PLEKHH1: variants seen among roughly 807,000 people sequenced by gnomAD.
PLEKHH1 encodes the protein pleckstrin homology domain-containing family H member 1.
A neutral mutation model predicts 160.0 loss-of-function variants in PLEKHH1; 104 were observed. The ratio of observed to expected loss-of-function variants is 0.65; its 90% CI spans 0.55 to 0.76. The LOEUF (loss-of-function observed/expected upper bound fraction) is 0.76, where lower values mean the gene tolerates loss of function less well. PLEKHH1 is among the 30% of genes least tolerant of loss of function. PLEKHH1 has a pLI of 0.00. For missense variants in PLEKHH1, 1,427 were observed against 1,724.1 expected (o/e 0.83, Z 3.05); for synonymous variants, 619 against 678.4 (o/e 0.91, Z 1.36).
intron 20 of PLEKHH1, 61 bp from the exon 21 acceptor site, chr14:67,579,073 G>A (rs1356382615): frequency 6.9e-5 from 84 of 1,211,026 alleles, no homozygotes; most frequent in Non-Finnish European, 8.0e-5. Context: ...ATAGGGATCC[G>A]GGGTGCCAAA....
chr14:67,585,865 G>C lies in PLEKHH1; in HGVS notation c.3787-86G>C, dbSNP rs991059544. ...GACCACTTGGGAGTTCTCCTTTCCT[G>C]TGCCTAGAAGAGACAGGGGATGCTG... On this transcript the variant is annotated intron_variant, in intron 27 of 28. Coordinates refer to ENST00000329153, the MANE Select transcript of PLEKHH1 (RefSeq NM_020715.3). The C allele has an allele frequency of 4.8e-5, 67 of 1,398,262 alleles. No individual in the cohort carries two copies. In the South Asian group the frequency reaches 8.7e-4, roughly 18 times the overall value. 86.6% of individuals were successfully genotyped at this position (1,398,262 alleles called of 1,614,324 possible).
At chr14:67,538,040 G>T (rs1373369827) in intron 1 of PLEKHH1, among the ~76,000 whole-genome samples, 1 of 152,152 alleles carries the variant, frequency 6.6e-6, no homozygotes, top group Non-Finnish European at 1.5e-5. Flanking sequence ...ATTTTAGCGG[G>T]GTATTGGGGA....
At chr14:67,565,317 C>T (rs148176142) in intron 7 of PLEKHH1, among the ~76,000 whole-genome samples, 3 of 152,228 alleles carry the variant, frequency 2.0e-5, no homozygotes, top group Non-Finnish European at 2.9e-5. Flanking sequence ...AATCACAGTC[C>T]ACTGCAGCCT....
chr14:67,545,778 T>C (rs1181489209), intron 2 of PLEKHH1, among the ~76,000 whole-genome samples: 4 of 152,170 alleles, frequency 2.6e-5, no homozygotes, highest in African/African-American at 9.7e-5. Flanking sequence ...AAAATCAGCA[T>C]TGAATAAAAA....
intron 9 of PLEKHH1, chr14:67,571,312 T>C (rs1029059654): frequency 3.0e-5 from 5 of 164,196 alleles, no homozygotes; most frequent in African/African-American, 1.2e-4. Context: ...TAGAGTTTTT[T>C]CCCCCATCTT....
At chr14:67,541,476 G>T (rs113395717) in intron 1 of PLEKHH1, among the ~76,000 whole-genome samples, 5 of 152,280 alleles carry the variant, frequency 3.3e-5, no homozygotes, top group African/African-American at 1.2e-4. Context: ...GCAGAGCACA[G>T]GGTCAGGCAT....
At chr14:67,586,196 C>T (rs2036153140) in intron 28 of PLEKHH1, 99 bp downstream of exon 28, 2 of 1,368,830 alleles carry the variant, frequency 1.5e-6, no homozygotes, top group East Asian at 4.6e-5. Context: ...CTGCAAGGGC[C>T]CTGCCCAGAT....
At chr14:67,541,589 C>G (rs2033964175) in intron 1 of PLEKHH1, among the ~76,000 whole-genome samples, 1 of 152,136 alleles carries the variant, frequency 6.6e-6, no homozygotes, top group Admixed American at 6.5e-5. Flanking sequence ...CTAGGTTCTC[C>G]TTAAGGTTTC....
Position 67,562,284 on chromosome 14 carries a change from C to T in PLEKHH1, c.653C>T (p.Pro218Leu). The change falls in exon 7 of 29, where the codon CCT becomes CTT. Residue 218 changes from proline to leucine, a missense_variant. Pro to Leu is a moderately conservative substitution (Grantham distance 98). Around this residue, in one of 6 missense-constraint regions of PLEKHH1, gnomAD observed 831 missense variants for 929.2 expected, o/e 0.89. Coordinates refer to ENST00000329153, the MANE Select transcript of PLEKHH1 (RefSeq NM_020715.3). ...AQGLKAAVLA[P>L]SPGALQSKDS... ...GGTCTGAAGGCAGCTGTGCTTGCAC[C>T]TTCCCCAGGTGCCCTGCAGAGCAAG... The T allele has an allele frequency of 6.2e-7, 1 of 1,613,850 alleles. No individual in the cohort carries two copies. The highest frequency in any genetic ancestry group is 8.5e-7 in the Non-Finnish European group (1 of 1,179,832).
At position 67,561,087 on chromosome 14, in the gene PLEKHH1, G is replaced by T. The variant is rs138312383; in HGVS notation, c.424-867G>T. On this transcript the variant is annotated intron_variant, in intron 5 of 28. Transcript: ENST00000329153. ...ACAAGTGGTTCACACCTGCAGGAGG[G>T]TATCAGCTCATTTGGCCTCCTATCC... Among the ~76,000 whole-genome samples, 574 of 152,198 alleles carry T rather than the reference G, an allele frequency of 3.8e-3. 3 individuals carry two copies. Among genetic ancestry groups the T allele is most frequent in the South Asian group, 0.019 (92 of 4,818 alleles).
At chr14:67,557,442 C>T in intron 4 of PLEKHH1, 24 bp downstream of exon 4, 1 of 1,606,722 alleles carries the variant, frequency 6.2e-7, no homozygotes, top group Non-Finnish European at 8.5e-7. Context: ...CGCAAGGGAG[C>T]ACCATGCCCT....
chr14:67,538,127 T>C (rs1311976043), intron 1 of PLEKHH1, among the ~76,000 whole-genome samples: 3 of 152,124 alleles, frequency 2.0e-5, no homozygotes, highest in Non-Finnish European at 4.4e-5. Flanking sequence ...GAAAAAAAAA[T>C]TGAGCTGAGT....
Position 67,577,368 on chromosome 14 carries a change from C to T in PLEKHH1, c.2528C>T (p.Thr843Ile), listed in dbSNP as rs1334839683. The change falls in exon 18 of 29, where the codon ACC becomes ATC. Residue 843 changes from threonine to isoleucine, a missense_variant. By Grantham distance (89) the Thr-to-Ile change is moderately conservative (BLOSUM62 -1). Transcript: ENST00000329153. ...GACGGCCTATACGCCTCCCTCACCACCCTGCCCTCTGAGGCCTTGCAGACG... is the reference window on the plus strand; with the variant it reads ...GACGGCCTATACGCCTCCCTCACCATCCTGCCCTCTGAGGCCTTGCAGACG... ...SKDGLYASLT[T>I]LPSEALQTEA... 1.3e-6 allele frequency: 2 copies of T among 1,592,330 alleles called. No homozygotes were observed. The highest frequency in any genetic ancestry group is 2.3e-5 in the South Asian group (2 of 86,976).
In PLEKHH1 at chr14:67,548,426, G is replaced by A. The variant is rs529001447; in HGVS notation, c.126+6433G>A. 9.2e-5 allele frequency among the ~76,000 whole-genome samples: 14 copies of A among 152,276 alleles called. No individual in the cohort carries two copies. In the South Asian group the frequency reaches 2.7e-3, roughly 29 times the overall value. On this transcript the variant is annotated intron_variant, in intron 2 of 28. Transcript: ENST00000329153. ...ATAAAAGAAGAAATAGGCCAGGAGT[G>A]GTGGCTTACACCTGTAATCCCAGCA...
rs764986513 is a variant in PLEKHH1, at chr14:67,573,385, C to T, written c.1838C>T (p.Pro613Leu). 73 of 1,560,372 alleles carry T rather than the reference C, an allele frequency of 4.7e-5. No homozygotes were observed. The highest frequency in any genetic ancestry group is 5.4e-5 in the Non-Finnish European group (61 of 1,131,230). The change falls in exon 12 of 29, where the codon CCG (proline) becomes CTG (leucine). Residue 613 changes from proline to leucine, a missense_variant and splice_region_variant. Pro to Leu is a moderately conservative substitution (Grantham distance 98, BLOSUM62 -3). Coordinates refer to ENST00000329153, the MANE Select transcript of PLEKHH1 (RefSeq NM_020715.3). The surrounding 1 kb of genome is among the most constrained non-coding windows in gnomAD (Gnocchi z 4.8). Reference protein sequence around the residue: ...RQGQIMYYKSPSDVIRKPQGQ... With the variant: ...RQGQIMYYKSLSDVIRKPQGQ... ...GGACAGATTATGTACTACAAGTCCC[C>T]GGTGAGAGTCTCCCCGCCCAGCACT...
chr14:67,589,440 A>T lies in PLEKHH1; in HGVS notation c.*2205A>T, dbSNP rs967436393. ...AGCTTTTGAACTGATATAAAAAAAAATGCTGAGTAACAGAAAAGTATTAAT... is the reference window on the plus strand; with the variant it reads ...AGCTTTTGAACTGATATAAAAAAAATTGCTGAGTAACAGAAAAGTATTAAT... On this transcript the variant is annotated 3_prime_UTR_variant, in exon 29 of 29. Transcript: ENST00000329153. 2.0e-6 allele frequency: 2 copies of T among 985,250 alleles called. No individual in the cohort carries two copies. The highest frequency in any genetic ancestry group is 2.4e-6 in the Non-Finnish European group (2 of 829,866). 61.0% of individuals were successfully genotyped at this position (985,250 alleles called of 1,614,324 possible). A position where few individuals can be genotyped will look rare whatever the true frequency, so the allele number is the denominator to read the frequency against.
At chr14:67,583,649 TAAAG>T (rs1241160431) in intron 24 of PLEKHH1, 88 bp from the exon 25 acceptor site, 1 of 922,292 alleles carries the variant, frequency 1.1e-6, no homozygotes, top group Non-Finnish European at 1.6e-6. Flanking sequence ...AATAGGGTAA[TAAAG>T]AAATGGTTTA....
In PLEKHH1 at chr14:67,541,923, T is replaced by G. The variant is rs761627260; in HGVS notation, c.56T>G (p.Leu19Arg). The change falls in exon 2 of 29, where the codon CTG becomes CGG. Residue 19 changes from leucine to arginine, a missense_variant. By Grantham distance (102) the Leu-to-Arg change is moderately radical (BLOSUM62 -2). This residue lies in a region of PLEKHH1 where 831 missense variants were observed against 929.2 expected (regional missense o/e 0.89). Transcript: ENST00000329153. ...PASVDWQKRC[L>R]TLETQLFRFR... ...AGCGTAGACTGGCAGAAACGCTGCC[T>G]GACCCTGGAAACTCAGCTTTTCCGG... 3 of 1,606,164 alleles carry G rather than the reference T, an allele frequency of 1.9e-6. No homozygotes were observed. In the East Asian group the frequency reaches 6.7e-5, roughly 36 times the overall value.
intron 2 of PLEKHH1, among the ~76,000 whole-genome samples, chr14:67,552,083 A>G (rs1594753654): frequency 6.6e-6 from 1 of 152,252 alleles, no homozygotes; most frequent in Non-Finnish European, 1.5e-5. Flanking sequence ...TAAATACCAG[A>G]TTGGTGCCAA....
Sources: gnomAD v4.1 joint callset for allele counts (sites outside exome capture counted in the v4.1 genomes callset) on GRCh38, gnomAD v4.1.1 for gene constraint, gnomAD v4.1.1 regional missense constraint, Gnocchi (gnomAD v3.1) non-coding constraint, MANE v1.5 for transcripts, NCBI Gene and HGNC (gene_info 2026-07-23, HGNC 2026-07-21) for gene names.